Variants in GALNT2 observed in about 807,000 individuals in gnomAD.
GALNT2 encodes UDP-GalNAc:polypeptide N-acetylgalactosaminyltransferase 2.
Under a neutral mutation model 81.4 loss-of-function variants are expected in GALNT2, and 31 were observed. The observed-to-expected ratio is 0.38, with a 90% CI of 0.29 to 0.51. The LOEUF (loss-of-function observed/expected upper bound fraction) is 0.51, where lower values mean the gene tolerates loss of function less well. Among genes scored for constraint, GALNT2 ranks in the 20% least tolerant of loss-of-function variants. GALNT2 has a pLI of 0.87. For synonymous variants in GALNT2, 303 were observed against 287.4 expected (o/e 1.05, Z -0.55); for missense variants, 629 against 765.7 (o/e 0.82, Z 2.11).
chr1:230,114,878 G>A (rs1010317741), intron 1 of GALNT2, among the ~76,000 whole-genome samples: 1 of 152,044 alleles, frequency 6.6e-6, no homozygotes, highest in Non-Finnish European at 1.5e-5. Flanking sequence ...TACAGAGAGT[G>A]CCTGTATACC....
chr1:230,154,227 G>A (rs746366122), intron 1 of GALNT2, among the ~76,000 whole-genome samples: 1 of 152,358 alleles, frequency 6.6e-6, no homozygotes, highest in African/African-American at 2.4e-5. Context: ...TGCACTTGCA[G>A]TGGAGACATA....
At chr1:230,146,559 C>T (rs139729329) in intron 1 of GALNT2, among the ~76,000 whole-genome samples, 2,445 of 152,288 alleles carry the variant, frequency 0.016, 32 homozygotes, top group South Asian at 0.043. Flanking sequence ...ACTCAGCCAC[C>T]TTATACCAAC....
chr1:230,261,400 G>A (rs1162306207), intron 11 of GALNT2, among the ~76,000 whole-genome samples: 1 of 152,162 alleles, frequency 6.6e-6, no homozygotes, highest in African/African-American at 2.4e-5. Context: ...TTTAAAAGGC[G>A]AGCATTACCT....
At chr1:230,149,841 T>C (rs1352354864) in intron 1 of GALNT2, among the ~76,000 whole-genome samples, 2 of 152,196 alleles carry the variant, frequency 1.3e-5, no homozygotes, top group Non-Finnish European at 2.9e-5. Flanking sequence ...TTAAGAGTTC[T>C]GTCTCCAGAG....
intron 1 of GALNT2, among the ~76,000 whole-genome samples, chr1:230,073,855 TCCC>T (rs1659447862): frequency 6.6e-6 from 1 of 152,064 alleles, no homozygotes. Flanking sequence ...TTCCAGGAGC[TCCC>T]CATGGAACAG....
At chr1:230,178,478 G>C (rs1663057205) in intron 2 of GALNT2, among the ~76,000 whole-genome samples, 167 bp downstream of exon 2, 1 of 152,148 alleles carries the variant, frequency 6.6e-6, no homozygotes, top group Non-Finnish European at 1.5e-5. Flanking sequence ...ACCCATTAGT[G>C]GGTGGTCAAG....
upstream of GALNT2, among the ~76,000 whole-genome samples, chr1:230,063,211 TGAGGCA>T (rs1659090064): frequency 6.6e-6 from 1 of 151,182 alleles, no homozygotes; most frequent in Non-Finnish European, 1.5e-5. Flanking sequence ...CTTAGGAGTC[TGAGGCA>T]GGAGAATGGC....
At chr1:230,116,691 A>AT (rs1660858946) in intron 1 of GALNT2, among the ~76,000 whole-genome samples, 2 of 152,324 alleles carry the variant, frequency 1.3e-5, no homozygotes, top group Admixed American at 6.5e-5. Context: ...GATCAGTAGT[A>AT]GTCTTTTGAC....
chr1:230,278,292 T>A (rs60064487), intron 15 of GALNT2, among the ~76,000 whole-genome samples: 23,720 of 151,000 alleles, frequency 0.16, 2,368 homozygotes, highest in East Asian at 0.43. Context: ...TAATTTTTTT[T>A]AAAAAAAATG....
At chr1:230,131,405 A>G (rs1298163831) in intron 1 of GALNT2, among the ~76,000 whole-genome samples, 1 of 152,126 alleles carries the variant, frequency 6.6e-6, no homozygotes, top group Non-Finnish European at 1.5e-5. Context: ...CTTTGAATCC[A>G]CCTTTGACCT....
intron 2 of GALNT2, among the ~76,000 whole-genome samples, chr1:230,190,084 G>T (rs1216403087): frequency 6.6e-6 from 1 of 152,270 alleles, no homozygotes; most frequent in African/African-American, 2.4e-5. Context: ...CCTGAGGCCA[G>T]TGATCTGCAC....
chr1:230,243,476 G>A lies in GALNT2; in HGVS notation c.729+49G>A. ...GGTGTCAGGTCGTGGGTGGTTGGTA[G>A]AGGGGACAGAAGGGAGCATGGTCCA... On this transcript the variant is annotated intron_variant, in intron 7 of 15. Transcript: ENST00000366672. This position sits in a 1 kb window ranked among gnomAD's most constrained non-coding sequence, Gnocchi z 4.2. The A allele has an allele frequency of 6.2e-7, 1 of 1,600,214 alleles. No individual in the cohort carries two copies. The highest frequency in any genetic ancestry group is 8.5e-7 in the Non-Finnish European group (1 of 1,177,894).
At chr1:230,174,070 A>ACCCC (rs756820385) in intron 1 of GALNT2, among the ~76,000 whole-genome samples, 1 of 152,116 alleles carries the variant, frequency 6.6e-6, no homozygotes, top group Non-Finnish European at 1.5e-5. Context: ...AATGTAAAAG[A>ACCCC]CCCCCAAGTG....
Position 230,141,788 on chromosome 1 carries a change from CTTTTTTTTTTTT to C in GALNT2, c.127-36419_127-36408del, listed in dbSNP as rs60824749. Among the ~76,000 whole-genome samples, 55 of 101,334 alleles carry C rather than the reference CTTTTTTTTTTTT, an allele frequency of 5.4e-4. 1 individual carries two copies. Among genetic ancestry groups the C allele is most frequent in the Admixed American group, 1.6e-3 (12 of 7,584 alleles). The allele number at this position is 101,334 out of a possible 152,430, so 66.5% of individuals were successfully genotyped here. Reference sequence around the variant, plus strand: ...CAAGACCCCGCTTTCTTTTGTTTTCCTTTTTTTTTTTTTTTTTTTTTTGAGACAGGGTCTCGC... The same window carrying C: ...CAAGACCCCGCTTTCTTTTGTTTTCCTTTTTTTTTTGAGACAGGGTCTCGC... On this transcript the variant is annotated intron_variant, in intron 1 of 15. Coordinates refer to ENST00000366672, the MANE Select transcript of GALNT2 (RefSeq NM_004481.5).
rs1659009660 is a variant in GALNT2, at chr1:230,060,118, C to T, written n.89+2040C>T. On this transcript the variant is annotated intron_variant and non_coding_transcript_variant, in intron 1 of 6. Transcript: ENST00000494106. The stretch of plus-strand genomic sequence containing the variant: ...TCTCTTCAGGTCCATTAATCTGGGA[C>T]ATTTCCTTACTCTTTCTTTGTCTTT... Among the ~76,000 whole-genome samples, 3 of 152,182 alleles carry T rather than the reference C, an allele frequency of 2.0e-5. No homozygotes were observed. In the South Asian group the frequency reaches 6.2e-4, roughly 31 times the overall value.
At chr1:230,183,797 G>A (rs1296900835) in intron 2 of GALNT2, among the ~76,000 whole-genome samples, 1 of 152,108 alleles carries the variant, frequency 6.6e-6, no homozygotes, top group Non-Finnish European at 1.5e-5. Context: ...GGCCAACATG[G>A]TGAAACCCTG....
At chr1:230,234,303 A>C (rs575404526) in intron 3 of GALNT2, among the ~76,000 whole-genome samples, 2 of 152,274 alleles carry the variant, frequency 1.3e-5, no homozygotes, top group Admixed American at 6.5e-5. Flanking sequence ...AGAAGGTCAG[A>C]GAGAGACCTT....
intron 6 of GALNT2, among the ~76,000 whole-genome samples, chr1:230,242,209 G>C (rs1288246894): frequency 6.6e-6 from 1 of 152,200 alleles, no homozygotes; most frequent in Non-Finnish European, 1.5e-5. Context: ...ATCCTATCTA[G>C]TTTCTGTCTG....
chr1:230,085,977 G>A (rs1659886479), intron 1 of GALNT2, among the ~76,000 whole-genome samples: 1 of 152,242 alleles, frequency 6.6e-6, no homozygotes. Context: ...TATGTCCACA[G>A]CTCTATCAGT....
Sources: allele counts gnomAD v4.1 joint callset (sites outside exome capture counted in the v4.1 genomes callset), GRCh38; gene constraint gnomAD v4.1.1; non-coding constraint Gnocchi (gnomAD v3.1); transcripts MANE v1.5; gene names NCBI Gene and HGNC (gene_info 2026-07-23, HGNC 2026-07-21).